CTNNA3: variants seen among roughly 807,000 people sequenced by gnomAD.
The protein encoded by CTNNA3 is catenin alpha 3.
In CTNNA3, 76 loss-of-function variants were observed where a neutral mutation model predicts 95.7. That is an observed-to-expected ratio of 0.79 (90% CI 0.66 to 0.96). CTNNA3 has a LOEUF of 0.96. Among genes scored for constraint, CTNNA3 ranks in the 40% least tolerant of loss-of-function variants. CTNNA3 has a pLI of 0.00. For synonymous variants in CTNNA3, 431 were observed against 374.4 expected, an observed-to-expected ratio of 1.15 and a Z score of -1.74; for missense variants, 1,191 against 1,089.8, an observed-to-expected ratio of 1.09 and a Z score of -1.31.
chr10:67,623,964 G>A (rs7911184), intron 2 of CTNNA3, among the ~76,000 whole-genome samples: 13,138 of 152,022 alleles, frequency 0.086, 1,316 homozygotes, highest in African/African-American at 0.24. Flanking sequence ...TTAGATTACA[G>A]GCATGCACCA....
At chr10:65,954,815 A>G (rs1336427828) in intron 17 of CTNNA3, among the ~76,000 whole-genome samples, 1 of 152,230 alleles carries the variant, frequency 6.6e-6, no homozygotes, top group Non-Finnish European at 1.5e-5. Context: ...GAAGTCAGGT[A>G]GCATGATGCC....
chr10:66,382,613 A>C lies in CTNNA3; in HGVS notation c.1532-3261T>G, dbSNP rs373457659. Among the ~76,000 whole-genome samples the C allele has an allele frequency of 4.0e-4, 61 of 152,310 alleles. 1 individual carries two copies. In the South Asian group the frequency reaches 0.012, roughly 31 times the overall value. On this transcript the variant is annotated intron_variant, in intron 11 of 17. Transcript: ENST00000433211. ...CCAGCATGGTGGTTGAGCTCTGAGA[A>C]TGGACAGACTGCCTCCTTAAGTGGG...
intron 16 of CTNNA3, among the ~76,000 whole-genome samples, chr10:65,968,116 G>T (rs1457779741): frequency 1.3e-5 from 2 of 152,142 alleles, no homozygotes; most frequent in African/African-American, 4.8e-5. Flanking sequence ...AATGCCAGAC[G>T]CAGTGGCTCA....
At chr10:66,450,262 T>C (rs1024889944) in intron 11 of CTNNA3, among the ~76,000 whole-genome samples, 1 of 152,156 alleles carries the variant, frequency 6.6e-6, no homozygotes, top group Non-Finnish European at 1.5e-5. Context: ...AGTCACATGC[T>C]AGAAGAGTTT....
intron 12 of CTNNA3, among the ~76,000 whole-genome samples, chr10:66,371,179 C>T (rs2092751678): frequency 6.6e-6 from 1 of 152,070 alleles, no homozygotes; most frequent in Non-Finnish European, 1.5e-5. Flanking sequence ...TGAACAATAC[C>T]AGGATACAGA....
At chr10:66,295,194 T>C (rs925220291) in intron 12 of CTNNA3, among the ~76,000 whole-genome samples, 1 of 152,202 alleles carries the variant, frequency 6.6e-6, no homozygotes, top group Admixed American at 6.5e-5. Context: ...ATTGACATTA[T>C]TATTACATTG....
intron 7 of CTNNA3, among the ~76,000 whole-genome samples, chr10:67,174,697 T>C (rs1862160203): frequency 6.6e-6 from 1 of 152,206 alleles, no homozygotes; most frequent in Non-Finnish European, 1.5e-5. Context: ...CTATTTATTA[T>C]TTCTCTCAAC....
At chr10:67,633,084 C>G (rs771558079) in intron 2 of CTNNA3, among the ~76,000 whole-genome samples, 1 of 152,074 alleles carries the variant, frequency 6.6e-6, no homozygotes, top group Admixed American at 6.5e-5. Context: ...AAGAAGGGTC[C>G]CCGACAATAG....
At chr10:67,441,862 A>G (rs1846532320) in intron 5 of CTNNA3, among the ~76,000 whole-genome samples, 1 of 152,216 alleles carries the variant, frequency 6.6e-6, no homozygotes, top group Non-Finnish European at 1.5e-5. Flanking sequence ...ATCTGAAGGT[A>G]CAAAACTCAC....
chr10:66,881,089 G>T (rs1844833481), intron 7 of CTNNA3, among the ~76,000 whole-genome samples: 1 of 152,014 alleles, frequency 6.6e-6, no homozygotes, highest in South Asian at 2.1e-4. Context: ...TGACCTACTG[G>T]CAGGTTTTTC....
At chr10:66,333,418 G>A (rs1027222361) in intron 12 of CTNNA3, among the ~76,000 whole-genome samples, 1 of 151,756 alleles carries the variant, frequency 6.6e-6, no homozygotes, top group African/African-American at 2.4e-5. Flanking sequence ...CAGAGATTCT[G>A]GTATGTTGTG....
chr10:67,603,453 A>T (rs983627116), intron 3 of CTNNA3, among the ~76,000 whole-genome samples: 6 of 152,128 alleles, frequency 3.9e-5, no homozygotes, highest in African/African-American at 1.4e-4. Flanking sequence ...AGGAGATGAA[A>T]ATTCCCATGC....
chr10:67,596,205 G>A (rs568081761), intron 3 of CTNNA3, among the ~76,000 whole-genome samples: 7 of 152,260 alleles, frequency 4.6e-5, no homozygotes, highest in Admixed American at 3.3e-4. Flanking sequence ...ACTTGATTAT[G>A]TAGTTGCTTT....
At chr10:67,011,925 C>A (rs978754835) in intron 7 of CTNNA3, among the ~76,000 whole-genome samples, 1 of 152,156 alleles carries the variant, frequency 6.6e-6, no homozygotes, top group Admixed American at 6.6e-5. Flanking sequence ...CCCTTGAAAC[C>A]CACTATGGAG....
rs2078236281 is a variant in CTNNA3 at position 65,977,817 on chromosome 10, A to G, written c.2265+10875T>C. The stretch of plus-strand genomic sequence containing the variant: ...ATAATAAATAAATAAATAAATAAAT[A>G]AAACGAATTTTGCAATTACAGACAA... On this transcript the variant is annotated intron_variant, in intron 16 of 17. Transcript: ENST00000433211. 2.6e-5 allele frequency among the ~76,000 whole-genome samples: 4 copies of G among 152,134 alleles called. No homozygotes were observed. The South Asian group carries it at 8.3e-4, about 32-fold the overall frequency.
At chr10:66,693,263 A>C (rs1039353801) in intron 9 of CTNNA3, among the ~76,000 whole-genome samples, 1 of 151,826 alleles carries the variant, frequency 6.6e-6, no homozygotes, top group Non-Finnish European at 1.5e-5. Context: ...AGGATGGAGG[A>C]AGATCTATCA....
At chr10:66,204,578 T>C (rs1478264553) in intron 13 of CTNNA3, among the ~76,000 whole-genome samples, 1 of 152,194 alleles carries the variant, frequency 6.6e-6, no homozygotes, top group Non-Finnish European at 1.5e-5. Context: ...TATCTCCTCA[T>C]AGGAATTAAT....
At chr10:66,528,710 C>T (rs890124758) in intron 10 of CTNNA3, among the ~76,000 whole-genome samples, 30 of 152,068 alleles carry the variant, frequency 2.0e-4, no homozygotes, top group African/African-American at 3.1e-4. Context: ...GTATTGACAT[C>T]GGATCATGAT....
chr10:66,329,042 C>T (rs898630697), intron 12 of CTNNA3, among the ~76,000 whole-genome samples: 2 of 150,430 alleles, frequency 1.3e-5, no homozygotes, highest in Non-Finnish European at 3.0e-5. Context: ...CCTCTGCCTC[C>T]GGAATTCAAG....
Sources: gnomAD v4.1 joint callset for allele counts (sites outside exome capture counted in the v4.1 genomes callset) on GRCh38, gnomAD v4.1.1 for gene constraint, MANE v1.5 for transcripts, NCBI Gene and HGNC (gene_info 2026-07-23, HGNC 2026-07-21) for gene names.